The following EPSTI1 variants were observed in gnomAD, a reference collection of about 807,000 sequenced individuals.
The protein encoded by EPSTI1 is epithelial stromal interaction 1.
EPSTI1 carries 66 observed loss-of-function variants against 49.9 expected under a neutral mutation model. The ratio of observed to expected loss-of-function variants is 1.32; its 90% CI spans 1.08 to 1.62. The LOEUF (loss-of-function observed/expected upper bound fraction) is 1.62. Among genes scored for constraint, EPSTI1 ranks in the 40% most tolerant of loss-of-function variants. EPSTI1 has a pLI of 0.00. For synonymous variants in EPSTI1, 137 were observed against 130.7 expected (o/e 1.05, Z -0.33); for missense variants, 394 against 365.5 (o/e 1.08, Z -0.64).
intron 6 of EPSTI1, among the ~76,000 whole-genome samples, chr13:42,931,152 G>A (rs1476453901): frequency 6.7e-6 from 1 of 149,430 alleles, no homozygotes; most frequent in African/African-American, 2.5e-5. Context: ...AGCCTGCAAG[G>A]CATTTGCAAA....
At chr13:42,945,484 G>A (rs1321589122) in intron 6 of EPSTI1, among the ~76,000 whole-genome samples, 1 of 152,168 alleles carries the variant, frequency 6.6e-6, no homozygotes, top group Non-Finnish European at 1.5e-5. Flanking sequence ...GATGGCCCAT[G>A]GTTCCCCACG....
chr13:42,912,630 A>G (rs536601409), intron 8 of EPSTI1, among the ~76,000 whole-genome samples: 4 of 152,256 alleles, frequency 2.6e-5, no homozygotes, highest in Non-Finnish European at 5.9e-5. Context: ...TTGTATAGTT[A>G]CAAATATACA....
chr13:42,938,862 C>A (rs1403833748), intron 6 of EPSTI1, among the ~76,000 whole-genome samples: 2 of 140,102 alleles, frequency 1.4e-5, no homozygotes, highest in Non-Finnish European at 3.0e-5. Flanking sequence ...TTGCAGTGAG[C>A]TGAGATTGCG....
At position 42,964,047 on chromosome 13, in the gene EPSTI1, A is replaced by T. The variant is rs565511336; in HGVS notation, c.405+19T>A. The stretch of plus-strand genomic sequence containing the variant: ...TCATATTCCTTACCAAAATTCAACT[A>T]AAAGAGATGAATTCTGACCTTTTGC... On this transcript the variant is annotated intron_variant, in intron 4 of 10. Coordinates refer to ENST00000313624, the MANE Select transcript of EPSTI1 (RefSeq NM_033255.5). 3.2e-5 allele frequency: 51 copies of T among 1,605,440 alleles called. 1 individual carries two copies. In the South Asian group the frequency reaches 4.7e-4, roughly 15 times the overall value.
intron 6 of EPSTI1, among the ~76,000 whole-genome samples, chr13:42,945,853 A>G (rs2038902473): frequency 6.6e-6 from 1 of 152,236 alleles, no homozygotes; most frequent in Admixed American, 6.5e-5. Flanking sequence ...ATAATTTTAC[A>G]TTCAATAGGT....
At chr13:42,976,820 C>T (rs1430260809) in intron 1 of EPSTI1, among the ~76,000 whole-genome samples, 1 of 152,218 alleles carries the variant, frequency 6.6e-6, no homozygotes, top group African/African-American at 2.4e-5. Context: ...ACCTCTCAAA[C>T]ACCACAATTA....
At chr13:42,911,303 G>A (rs983156312) in intron 8 of EPSTI1, among the ~76,000 whole-genome samples, 1 of 115,732 alleles carries the variant, frequency 8.6e-6, no homozygotes, top group Admixed American at 1.0e-4. Context: ...GTGTGCACAT[G>A]CTTCCTTTAT....
At chr13:42,936,659 T>G (rs1419165182) in intron 6 of EPSTI1, among the ~76,000 whole-genome samples, 1 of 152,216 alleles carries the variant, frequency 6.6e-6, no homozygotes, top group Non-Finnish European at 1.5e-5. Flanking sequence ...TTAAGTGACT[T>G]TGTCCACTTT....
At chr13:42,975,117 T>G (rs766008615) in intron 1 of EPSTI1, among the ~76,000 whole-genome samples, 1 of 152,206 alleles carries the variant, frequency 6.6e-6, no homozygotes, top group Non-Finnish European at 1.5e-5. Flanking sequence ...AGATAAGACA[T>G]TCCATATTGG....
chr13:42,950,365 C>T (rs1555265422), intron 6 of EPSTI1, among the ~76,000 whole-genome samples: 1 of 152,186 alleles, frequency 6.6e-6, no homozygotes, highest in African/African-American at 2.4e-5. Context: ...CCAGCTTGCA[C>T]GGGCAGATTA....
chr13:42,961,062 C>A (rs1333899154), intron 5 of EPSTI1, among the ~76,000 whole-genome samples: 2 of 152,144 alleles, frequency 1.3e-5, no homozygotes, highest in Non-Finnish European at 2.9e-5. Flanking sequence ...GAATTATAAT[C>A]TATTTTTAAA....
chr13:42,907,018 G>T lies in EPSTI1; in HGVS notation c.742-6635C>A, dbSNP rs561552853. Among the ~76,000 whole-genome samples, 8 of 152,182 alleles carry T rather than the reference G, an allele frequency of 5.3e-5. No homozygotes were observed. The East Asian group carries it at 7.7e-4, about 15-fold the overall frequency. ...CCAAAGCCTCTTATCTAGCTATTTT[G>T]TAAGGTACACTATCATCTTACTGTC... On this transcript the variant is annotated intron_variant, in intron 8 of 10. Coordinates refer to ENST00000313624, the MANE Select transcript of EPSTI1 (RefSeq NM_033255.5).
At position 42,960,382 on chromosome 13, in the gene EPSTI1, T is replaced by A. The variant is rs576254392; in HGVS notation, c.489+2873A>T. On this transcript the variant is annotated intron_variant, in intron 5 of 10. Coordinates refer to ENST00000313624, the MANE Select transcript of EPSTI1 (RefSeq NM_033255.5). The stretch of plus-strand genomic sequence containing the variant: ...TGGGTGAAATGCTTGCTGTGGGGAG[T>A]TAGGAAAACCTGTCTATTTATACTG... Among the ~76,000 whole-genome samples the A allele has an allele frequency of 7.2e-5, 11 of 152,208 alleles. No individual in the cohort carries two copies. In the South Asian group the frequency reaches 2.3e-3, roughly 32 times the overall value.
intron 8 of EPSTI1, 62 bp from the exon 9 acceptor site, chr13:42,900,445 C>A (rs756376524): frequency 1.8e-4 from 268 of 1,480,582 alleles, no homozygotes; most frequent in Non-Finnish European, 2.4e-4. Context: ...AGAAGATACC[C>A]AAATCAATTA....
Position 42,969,162 on chromosome 13 carries a change from A to G in EPSTI1, c.263T>C (p.Leu88Pro). Residue 88 changes from leucine (L) to proline (P), a missense_variant, in exon 3 of 11, where the codon CTG (leucine) becomes CCG (proline). Coordinates refer to ENST00000313624, the MANE Select transcript of EPSTI1 (RefSeq NM_033255.5). ...NEIQRIAEQELANLEKWKEQN... is the reference protein window; with the variant it reads ...NEIQRIAEQEPANLEKWKEQN... ...CTCCTTCCACTTCTCCAGGTTGGCC[A>G]GCTCCTGCTCCGCAACTAAGCCAGG... The G allele has an allele frequency of 6.2e-7, 1 of 1,614,126 alleles. No individual in the cohort carries two copies. The highest frequency in any genetic ancestry group is 8.5e-7 in the Non-Finnish European group (1 of 1,179,994).
Position 42,970,644 on chromosome 13 carries a change from G to C in EPSTI1, c.215C>G (p.Pro72Arg), listed in dbSNP as rs1354872884. 6.2e-7 allele frequency: 1 copy of C among 1,610,144 alleles called. No homozygotes were observed. Among genetic ancestry groups the C allele is most frequent in the Non-Finnish European group, 8.5e-7 (1 of 1,178,962 alleles). ...RRTSAYTLIA[P>R]NINRRNEIQR... ...TATCTCATTTCTCCGGTTTATATTT[G>C]GTGCTATCAAGGTGTATGCACTTGT... Residue 72 changes from proline to arginine, a missense_variant, in exon 2 of 11, where the codon CCA becomes CGA. Physicochemically the swap from Pro to Arg is moderately radical, Grantham distance 103. Coordinates refer to ENST00000313624, the MANE Select transcript of EPSTI1 (RefSeq NM_033255.5).
intron 7 of EPSTI1, among the ~76,000 whole-genome samples, chr13:42,920,601 T>C (rs1314669855): frequency 6.6e-6 from 1 of 152,164 alleles, no homozygotes; most frequent in Non-Finnish European, 1.5e-5. Flanking sequence ...TAGAAGCCCT[T>C]CACCCCCATA....
chr13:42,888,205 C>G lies in EPSTI1; in HGVS notation c.*289G>C, dbSNP rs369828710. The G allele has an allele frequency of 1.1e-5, 18 of 1,600,304 alleles. No individual in the cohort carries two copies. The South Asian group carries it at 1.9e-4, about 17-fold the overall frequency. On this transcript the variant is annotated 3_prime_UTR_variant, in exon 11 of 11. Transcript: ENST00000313624. ...ATTAACCTGAAAGCATCAAGTGACTCCCTCTTTTTCTACCCTACCAACATC... is the reference window on the plus strand; with the variant it reads ...ATTAACCTGAAAGCATCAAGTGACTGCCTCTTTTTCTACCCTACCAACATC...
At chr13:42,933,098 T>C (rs1032851263) in intron 6 of EPSTI1, among the ~76,000 whole-genome samples, 5 of 152,070 alleles carry the variant, frequency 3.3e-5, no homozygotes, top group Non-Finnish European at 5.9e-5. Flanking sequence ...GATCCTGAAA[T>C]AGAAAAGGAG....
Sources: allele counts gnomAD v4.1 joint callset (sites outside exome capture counted in the v4.1 genomes callset), GRCh38; gene constraint gnomAD v4.1.1; transcripts MANE v1.5; gene names NCBI Gene and HGNC (gene_info 2026-07-23, HGNC 2026-07-21).